The following EEPD1 variants were observed in gnomAD, a reference collection of about 807,000 sequenced individuals.
The protein encoded by EEPD1 is endonuclease/exonuclease/phosphatase family domain containing 1.
Under a neutral mutation model 46.3 loss-of-function variants are expected in EEPD1, and 17 were observed. The observed-to-expected ratio is 0.37, with a 90% CI of 0.25 to 0.55. The LOEUF (loss-of-function observed/expected upper bound fraction) is 0.55. Ranked by LOEUF, EEPD1 falls within the 20% of genes least tolerant of loss-of-function variation. The pLI is 0.83. For missense variants in EEPD1, 673 were observed against 745.6 expected (o/e 0.90, Z 1.13); for synonymous variants, 313 against 315.6 (o/e 0.99, Z 0.09).
intron 2 of EEPD1, among the ~76,000 whole-genome samples, chr7:36,195,472 A>C (rs1785563581): frequency 6.6e-6 from 1 of 152,228 alleles, no homozygotes; most frequent in East Asian, 1.9e-4. Flanking sequence ...ACACCTTTAT[A>C]AACTGAGTTT....
intron 2 of EEPD1, among the ~76,000 whole-genome samples, chr7:36,180,816 C>T (rs1054232978): frequency 5.3e-5 from 8 of 152,100 alleles, no homozygotes; most frequent in Admixed American, 2.6e-4. Context: ...CTCAGCTCCA[C>T]CCCAAATCTG....
intron 2 of EEPD1, among the ~76,000 whole-genome samples, chr7:36,202,993 C>T (rs1379408297): frequency 6.6e-6 from 1 of 152,216 alleles, no homozygotes; most frequent in Non-Finnish European, 1.5e-5. Flanking sequence ...CTTCCAGCAT[C>T]TGTGTCCTTG....
At chr7:36,231,267 T>G (rs1368947420) in intron 2 of EEPD1, among the ~76,000 whole-genome samples, 1 of 152,146 alleles carries the variant, frequency 6.6e-6, no homozygotes, top group African/African-American at 2.4e-5. Context: ...CCATTGTAGA[T>G]CTTAACTGCA....
chr7:36,256,354 G>A (rs898538862), intron 3 of EEPD1, among the ~76,000 whole-genome samples: 1 of 152,230 alleles, frequency 6.6e-6, no homozygotes, highest in Non-Finnish European at 1.5e-5. Flanking sequence ...GTCCAGAGCT[G>A]AGTTCAAGTC....
chr7:36,218,293 C>T (rs936137116), intron 2 of EEPD1, among the ~76,000 whole-genome samples: 1 of 151,560 alleles, frequency 6.6e-6, no homozygotes, highest in African/African-American at 2.4e-5. Context: ...TCCATACATA[C>T]CTATGGTAAA....
chr7:36,291,576 G>C (rs1487757321), intron 6 of EEPD1, among the ~76,000 whole-genome samples: 2 of 152,208 alleles, frequency 1.3e-5, no homozygotes. Flanking sequence ...GGGTGGCCCT[G>C]CAGGAGAGGC....
rs142098870 is a variant in EEPD1, at chr7:36,268,225, C to G, written c.931-12890C>G. On this transcript the variant is annotated intron_variant, in intron 3 of 7. Transcript: ENST00000242108. ...GGAGTGCAGTGGTGTGATCTCGGCT[C>G]ACTGCAACCTCTGCCTCGCAGGTTC... Among the ~76,000 whole-genome samples, 5 of 150,546 alleles carry G rather than the reference C, an allele frequency of 3.3e-5. No individual in the cohort carries two copies. In the East Asian group the frequency reaches 7.9e-4, roughly 24 times the overall value.
rs560250045 is a variant in EEPD1, at chr7:36,276,950, T to G, written c.931-4165T>G. Among the ~76,000 whole-genome samples, 10 of 152,390 alleles carry G rather than the reference T, an allele frequency of 6.6e-5. No homozygotes were observed. The East Asian group carries it at 1.7e-3, about 26-fold the overall frequency. On this transcript the variant is annotated intron_variant, in intron 3 of 7. Coordinates refer to ENST00000242108, the MANE Select transcript of EEPD1 (RefSeq NM_030636.3). ...TTGTGATGAACACAAACCTTCCCTC[T>G]TCCATTTTGACCTTTCTGCCCTGGT...
At chr7:36,236,563 C>G (rs952438519) in intron 2 of EEPD1, among the ~76,000 whole-genome samples, 2 of 152,206 alleles carry the variant, frequency 1.3e-5, no homozygotes, top group African/African-American at 4.8e-5. Flanking sequence ...CACAAAGTCC[C>G]GCTGCCAGTG....
chr7:36,219,631 G>A (rs1412385005), intron 2 of EEPD1, among the ~76,000 whole-genome samples: 3 of 142,770 alleles, frequency 2.1e-5, no homozygotes, highest in Admixed American at 7.2e-5. Context: ...AAGGAAAGAA[G>A]GAAAGAAAAG....
At chr7:36,233,223 C>T (rs896108504) in intron 2 of EEPD1, among the ~76,000 whole-genome samples, 1 of 152,230 alleles carries the variant, frequency 6.6e-6, no homozygotes, top group African/African-American at 2.4e-5. Flanking sequence ...TCAGAATGTG[C>T]TGAGGAGTGG....
intron 2 of EEPD1, among the ~76,000 whole-genome samples, chr7:36,168,815 A>G (rs1034077271): frequency 2.0e-5 from 3 of 151,260 alleles, no homozygotes; most frequent in South Asian, 4.2e-4. Flanking sequence ...TTCTAGATCT[A>G]GAAGTATGAA....
At chr7:36,229,249 A>G (rs1037138405) in intron 2 of EEPD1, 9 of 152,334 alleles carry the variant, frequency 5.9e-5, no homozygotes, top group African/African-American at 2.2e-4. Flanking sequence ...TGGAAGTATT[A>G]TATTATAAAA....
intron 2 of EEPD1, among the ~76,000 whole-genome samples, chr7:36,203,454 T>G (rs2115707795): frequency 6.6e-6 from 1 of 152,364 alleles, no homozygotes; most frequent in Non-Finnish European, 1.5e-5. Flanking sequence ...TAGTTTATCC[T>G]TTCTTCCTCA....
At chr7:36,161,053 G>A (rs1000313639) in intron 2 of EEPD1, among the ~76,000 whole-genome samples, 1 of 152,162 alleles carries the variant, frequency 6.6e-6, no homozygotes, top group African/African-American at 2.4e-5. Flanking sequence ...ATGAGGCCAT[G>A]GTCTGCCCTC....
chr7:36,201,380 G>A (rs572016380), intron 2 of EEPD1, among the ~76,000 whole-genome samples: 174 of 152,294 alleles, frequency 1.1e-3, no homozygotes, highest in African/African-American at 4.1e-3. Flanking sequence ...AACTTTGGGA[G>A]AAGCTGGGTG....
In EEPD1 at chr7:36,154,537, C is replaced by A; in HGVS notation, c.213C>A (p.Ile71=). Residue 71 remains isoleucine, a synonymous_variant, in exon 2 of 8, where the codon ATC becomes ATA. Coordinates refer to ENST00000242108, the MANE Select transcript of EEPD1 (RefSeq NM_030636.3). This position sits in a 1 kb window ranked among gnomAD's most constrained non-coding sequence, Gnocchi z 4.2. ...GCATCGTGGAGTACCGAGAGTATATCGGTGGCTTCAAGAAGGTGGAGGACC... is the reference window on the plus strand; with the variant it reads ...GCATCGTGGAGTACCGAGAGTATATAGGTGGCTTCAAGAAGGTGGAGGACC... ...ARSIVEYREY[I]GGFKKVEDLA... 6.2e-7 allele frequency: 1 copy of A among 1,614,182 alleles called. No homozygotes were observed. The highest frequency in any genetic ancestry group is 8.5e-7 in the Non-Finnish European group (1 of 1,180,032).
At chr7:36,192,892 A>G (rs1785484152) in intron 2 of EEPD1, among the ~76,000 whole-genome samples, 1 of 152,216 alleles carries the variant, frequency 6.6e-6, no homozygotes, top group South Asian at 2.1e-4. Context: ...CATGTTCTCC[A>G]TGAGGATGAG....
chr7:36,197,890 TA>T (rs879300933), intron 2 of EEPD1, among the ~76,000 whole-genome samples: 34 of 133,094 alleles, frequency 2.6e-4, no homozygotes, highest in Admixed American at 3.0e-4. Context: ...GAATGATCAA[TA>T]AAAAAAAAAA....
Sources: allele counts gnomAD v4.1 joint callset (sites outside exome capture counted in the v4.1 genomes callset), GRCh38; gene constraint gnomAD v4.1.1; non-coding constraint Gnocchi (gnomAD v3.1); transcripts MANE v1.5; gene names NCBI Gene and HGNC (gene_info 2026-07-23, HGNC 2026-07-21).